Variants in MAML2 observed in about 807,000 individuals in gnomAD.
MAML2 encodes the protein mastermind like transcriptional coactivator 2.
In MAML2, 22 loss-of-function variants were observed where a neutral mutation model predicts 96.1. The ratio of observed to expected loss-of-function variants is 0.23; its 90% confidence interval spans 0.16 to 0.33. The LOEUF is 0.33. MAML2 is among the 10% of genes least tolerant of loss of function. MAML2 has a pLI of 1.00. For missense variants in MAML2, 1,367 were observed against 1,392.4 expected (o/e 0.98, Z 0.29); for synonymous variants, 561 against 521.3 (o/e 1.08, Z -1.04).
At chr11:95,986,783 T>C (rs1366404089) in intron 3 of MAML2, among the ~76,000 whole-genome samples, 1 of 152,148 alleles carries the variant, frequency 6.6e-6, no homozygotes, top group Non-Finnish European at 1.5e-5. Flanking sequence ...CCCTTGCTAC[T>C]CTGTTTCTCA....
intron 1 of MAML2, among the ~76,000 whole-genome samples, chr11:96,319,175 G>A (rs1230651904): frequency 1.3e-5 from 2 of 152,138 alleles, no homozygotes; most frequent in Admixed American, 6.5e-5. Context: ...GAGGCCTCCG[G>A]TCAACAGCCA....
intron 1 of MAML2, among the ~76,000 whole-genome samples, chr11:96,207,495 G>T (rs922989504): frequency 6.6e-5 from 10 of 152,176 alleles, no homozygotes; most frequent in Admixed American, 2.0e-4. Flanking sequence ...TGCCTGGGGC[G>T]GCCTCTTTTA....
intron 2 of MAML2, among the ~76,000 whole-genome samples, chr11:96,073,232 G>A (rs1175350911): frequency 2.0e-5 from 3 of 151,562 alleles, no homozygotes; most frequent in South Asian, 2.1e-4. Flanking sequence ...AAAAGCTTTT[G>A]TTTGGCATTT....
At chr11:96,233,039 AATT>A (rs1392937540) in intron 1 of MAML2, among the ~76,000 whole-genome samples, 2 of 152,222 alleles carry the variant, frequency 1.3e-5, no homozygotes, top group African/African-American at 2.4e-5. Flanking sequence ...TTAACACTCT[AATT>A]ATTTGCTCTT....
In MAML2 at chr11:96,092,210, TTGCTGCTGCTGCTGCTGCTGCTGCTGC is replaced by T. The variant is rs60727839; in HGVS notation, c.1794_1820del (p.Gln613_Gln621del). 5.0e-3 allele frequency: 7,288 copies of T among 1,462,618 alleles called. 37 individuals carry two copies. Among genetic ancestry groups the T allele is most frequent in the Middle Eastern group, 0.012 (68 of 5,670 alleles). 90.6% of individuals were successfully genotyped at this position (1,462,618 alleles called of 1,614,324 possible). A position where few individuals can be genotyped will look rare whatever the true frequency, so the allele number is the denominator to read the frequency against. ...GTTGCTGTTGCTGCTGCTGCTGCTGTTGCTGCTGCTGCTGCTGCTGCTGCTGCTGCTGCTGCTGCTGTTGCTGCTGTT... is the reference window on the plus strand; with the variant it reads ...GTTGCTGTTGCTGCTGCTGCTGCTGTTGCTGCTGCTGCTGTTGCTGCTGTT... On this transcript the variant is annotated inframe_deletion, in exon 2 of 5. Transcript: ENST00000524717. The surrounding 1 kb of genome is among the most constrained non-coding windows in gnomAD (Gnocchi z 4.1).
At chr11:96,131,278 CAT>C (rs1196188141) in intron 1 of MAML2, among the ~76,000 whole-genome samples, 6 of 151,102 alleles carry the variant, frequency 4.0e-5, no homozygotes, top group African/African-American at 1.2e-4. Flanking sequence ...AGCTTAAAAA[CAT>C]GTGAAAAAAT....
chr11:96,117,905 C>G (rs1418304819), intron 1 of MAML2, among the ~76,000 whole-genome samples: 1 of 152,146 alleles, frequency 6.6e-6, no homozygotes, highest in African/African-American at 2.4e-5. Flanking sequence ...GACTTCTGTT[C>G]TCTTCTTTAT....
At chr11:96,254,642 A>G (rs1862636383) in intron 1 of MAML2, among the ~76,000 whole-genome samples, 1 of 152,190 alleles carries the variant, frequency 6.6e-6, no homozygotes, top group Admixed American at 6.5e-5. Context: ...AAGAACTCAA[A>G]CACCTGCATA....
At chr11:96,245,210 T>C (rs1862493967) in intron 1 of MAML2, among the ~76,000 whole-genome samples, 1 of 138,484 alleles carries the variant, frequency 7.2e-6, no homozygotes, top group Non-Finnish European at 1.5e-5. Context: ...CGAACAGTCA[T>C]CCTTCTTTTT....
intron 1 of MAML2, among the ~76,000 whole-genome samples, chr11:96,291,966 C>T (rs1012370331): frequency 1.3e-5 from 2 of 152,168 alleles, no homozygotes; most frequent in African/African-American, 4.8e-5. Flanking sequence ...GCATGTGAGT[C>T]TCCATTTGAA....
intron 1 of MAML2, among the ~76,000 whole-genome samples, chr11:96,193,963 G>A (rs926190082): frequency 1.3e-5 from 2 of 152,218 alleles, no homozygotes; most frequent in Admixed American, 6.5e-5. Context: ...CCAGAGTGGA[G>A]AGGATCCCAA....
chr11:95,986,597 CTTTTT>C (rs1449858296), intron 3 of MAML2, among the ~76,000 whole-genome samples: 2 of 152,066 alleles, frequency 1.3e-5, no homozygotes, highest in Non-Finnish European at 2.9e-5. Flanking sequence ...AATTTTATCT[CTTTTT>C]TACCTTCGCA....
At chr11:95,981,799 T>C (rs1857743045) in intron 4 of MAML2, among the ~76,000 whole-genome samples, 1 of 152,170 alleles carries the variant, frequency 6.6e-6, no homozygotes, top group Non-Finnish European at 1.5e-5. Context: ...GAAAGTTTCA[T>C]ATCAAGGGAA....
intron 1 of MAML2, among the ~76,000 whole-genome samples, chr11:96,234,324 A>C (rs1036127109): frequency 1.3e-5 from 2 of 152,130 alleles, no homozygotes; most frequent in African/African-American, 4.8e-5. Flanking sequence ...TCTACTAAAA[A>C]TACAAAATTA....
At chr11:96,045,415 C>G (rs938115984) in intron 2 of MAML2, among the ~76,000 whole-genome samples, 5 of 152,082 alleles carry the variant, frequency 3.3e-5, no homozygotes, top group African/African-American at 7.2e-5. Context: ...CCTCAGTTTC[C>G]TCATCTGTGA....
chr11:96,315,979 T>C (rs1863626796), intron 1 of MAML2, among the ~76,000 whole-genome samples: 1 of 152,246 alleles, frequency 6.6e-6, no homozygotes, highest in Non-Finnish European at 1.5e-5. Context: ...CATGTGGACA[T>C]AGCCTTGCCA....
chr11:96,174,234 G>A (rs1029694185), intron 1 of MAML2, among the ~76,000 whole-genome samples: 2 of 152,090 alleles, frequency 1.3e-5, no homozygotes, highest in Non-Finnish European at 2.9e-5. Context: ...TGAATAGGAA[G>A]TCCTGTTAAG....
Position 96,195,583 on chromosome 11 carries a change from C to T in MAML2, c.514-102066G>A, listed in dbSNP as rs141687209. Among the ~76,000 whole-genome samples the T allele has an allele frequency of 3.6e-3, 555 of 152,230 alleles. 12 individuals are homozygous for T. Among genetic ancestry groups the T allele is most frequent in the East Asian group, 0.026 (134 of 5,190 alleles). On this transcript the variant is annotated intron_variant, in intron 1 of 4. Transcript: ENST00000524717. ...GAAAATATTGACTCAATCTCTGCTA[C>T]GAAACATACAGGCAGAAAGCAGAAA...
chr11:96,046,589 T>C (rs1858904854), intron 2 of MAML2, among the ~76,000 whole-genome samples: 1 of 152,226 alleles, frequency 6.6e-6, no homozygotes, highest in South Asian at 2.1e-4. Context: ...AGGACAATTC[T>C]AGCCCCTGGA....
Sources: gnomAD v4.1 joint callset for allele counts (sites outside exome capture counted in the v4.1 genomes callset) on GRCh38, gnomAD v4.1.1 for gene constraint, Gnocchi (gnomAD v3.1) non-coding constraint, MANE v1.5 for transcripts, NCBI Gene and HGNC (gene_info 2026-07-23, HGNC 2026-07-21) for gene names.